AKIRIN1: variants seen among roughly 807,000 people sequenced by gnomAD.
AKIRIN1 encodes akirin 1.
A neutral mutation model predicts 25.9 loss-of-function variants in AKIRIN1; 4 were observed. The observed-to-expected ratio is 0.15, with a 90% CI of 0.08 to 0.35. AKIRIN1 has a LOEUF of 0.35. Ranked by LOEUF, AKIRIN1 falls within the 10% of genes least tolerant of loss-of-function variation. The probability of loss-of-function intolerance (pLI) is 1.00; values close to 1 mark genes in which losing one functional copy is unlikely to be tolerated. For missense variants in AKIRIN1, 243 were observed against 266.1 expected (o/e 0.91, Z 0.61); for synonymous variants, 125 against 105.1 (o/e 1.19, Z -1.16).
In AKIRIN1 at chr1:38,991,286, C is replaced by T. The variant is rs1483600392; in HGVS notation, c.-95C>T. On this transcript the variant is annotated 5_prime_UTR_variant, in exon 1 of 5. Coordinates refer to ENST00000432648, the MANE Select transcript of AKIRIN1 (RefSeq NM_024595.3). ...GCGCCGCTGCCGGGTGCTGGAGGCGCCATTGGAGCCGGCTTGGCTGGCGAG... is the reference window on the plus strand; with the variant it reads ...GCGCCGCTGCCGGGTGCTGGAGGCGTCATTGGAGCCGGCTTGGCTGGCGAG... 1 of 1,116,110 alleles carries T rather than the reference C, an allele frequency of 9.0e-7. No homozygotes were observed. The highest frequency in any genetic ancestry group is 1.2e-6 in the Non-Finnish European group (1 of 858,436). The allele number at this position is 1,116,110 out of a possible 1,614,324, so 69.1% of individuals were successfully genotyped here.
intron 1 of AKIRIN1, among the ~76,000 whole-genome samples, chr1:38,993,842 G>C (rs567473051): frequency 6.6e-6 from 1 of 151,878 alleles, no homozygotes; most frequent in Admixed American, 6.6e-5. Context: ...AGGCGGAGGC[G>C]GGCGGATCAC....
At chr1:38,997,348 TC>T (rs1183035923) in intron 1 of AKIRIN1, among the ~76,000 whole-genome samples, 3 of 152,194 alleles carry the variant, frequency 2.0e-5, no homozygotes, top group Non-Finnish European at 4.4e-5. Context: ...ACTTATAATC[TC>T]CCCACACACT....
rs746433928 is a variant in AKIRIN1 at position 39,004,048 on chromosome 1, T to C, written c.572T>C (p.Val191Ala). Reference sequence around the variant, plus strand: ...GTTTTTTATTCTTAATTTACAGATGTGTCATGAAGCTTTGTCACATATCTG... The same window carrying C: ...GTTTTTTATTCTTAATTTACAGATGCGTCATGAAGCTTTGTCACATATCTG... Reference protein sequence around the residue: ...RRYGTRPTSYVS With the variant: ...RRYGTRPTSYAS Residue 191 changes from valine (V) to alanine (A), a missense_variant, in exon 5 of 5, where the codon GTG (valine) becomes GCG (alanine). Physicochemically the swap from Val to Ala is moderately conservative, Grantham distance 64. Around this residue, in one of 3 missense-constraint regions of AKIRIN1, gnomAD observed 25 missense variants for 45.3 expected, o/e 0.55. Transcript: ENST00000432648. The C allele has an allele frequency of 1.2e-6, 2 of 1,611,008 alleles. No homozygotes were observed. Among genetic ancestry groups the C allele is most frequent in the South Asian group, 2.2e-5 (2 of 90,954 alleles).
chr1:39,005,975 A>G lies in AKIRIN1; in HGVS notation c.*1920A>G, dbSNP rs1393162510. 2 of 152,078 alleles carry G rather than the reference A, an allele frequency of 1.3e-5. No individual in the cohort carries two copies. The highest frequency in any genetic ancestry group is 4.8e-5 in the African/African-American group (2 of 41,382). The allele number at this position is 152,078 out of a possible 1,614,324, so 9.4% of individuals were successfully genotyped here. ...GCTATAACCATTTCCCCAGTTCAAC[A>G]TTGCATTGAAAATTTATGGACCTTT... On this transcript the variant is annotated 3_prime_UTR_variant, in exon 5 of 5. Coordinates refer to ENST00000432648, the MANE Select transcript of AKIRIN1 (RefSeq NM_024595.3).
rs1553163951 is a variant in AKIRIN1, at chr1:38,998,194, C to T, written c.244C>T (p.Gln82Ter). Residue 82 changes from glutamine to a stop codon, truncating the protein, a stop_gained, in exon 2 of 5, where the codon CAA becomes TAA. Transcript: ENST00000432648. LOFTEE classifies it high-confidence loss of function. ...TPEQIFQNIK[Q>*]EYSRYQRWRH... is the part of the protein sequence containing the mutation. ...AGAGCAAATTTTTCAGAACATAAAA[C>T]AAGAATATAGTCGTTATCAGAGGTG... 3.7e-6 allele frequency: 6 copies of T among 1,609,818 alleles called. No homozygotes were observed. The highest frequency in any genetic ancestry group is 5.1e-6 in the Non-Finnish European group (6 of 1,178,340).
At chr1:38,998,951 G>C (rs1329811844) in intron 2 of AKIRIN1, among the ~76,000 whole-genome samples, 1 of 152,070 alleles carries the variant, frequency 6.6e-6, no homozygotes, top group African/African-American at 2.4e-5. Flanking sequence ...AGCCACATAT[G>C]GCTGTTGTAT....
At chr1:38,992,424 A>AG (rs1643913359) in intron 1 of AKIRIN1, among the ~76,000 whole-genome samples, 2 of 152,244 alleles carry the variant, frequency 1.3e-5, no homozygotes, top group South Asian at 4.1e-4. Flanking sequence ...TCCGGAAATG[A>AG]GGGGGGCGTC....
intron 3 of AKIRIN1, among the ~76,000 whole-genome samples, chr1:39,001,406 G>A (rs1643990932): frequency 6.6e-6 from 1 of 151,312 alleles, no homozygotes; most frequent in South Asian, 2.1e-4. Context: ...TGGGATTACA[G>A]GCATGCGCCA....
chr1:38,993,245 G>A (rs1483450507), intron 1 of AKIRIN1, among the ~76,000 whole-genome samples: 1 of 152,164 alleles, frequency 6.6e-6, no homozygotes, highest in Admixed American at 6.5e-5. Flanking sequence ...CATTACAGTA[G>A]CTGCTTCGTA....
rs1376140340 is a variant in AKIRIN1, at chr1:38,991,474, C to T, written c.94C>T (p.Pro32Ser). 2 of 1,423,298 alleles carry T rather than the reference C, an allele frequency of 1.4e-6. No homozygotes were observed. Among genetic ancestry groups the T allele is most frequent in the African/African-American group, 1.5e-5 (1 of 66,978 alleles). 88.2% of individuals were successfully genotyped at this position (1,423,298 alleles called of 1,614,324 possible). ...SPKRRRCAPL[P>S]GPTPGLRPPD... ...GAAGCGGCGGCGCTGCGCCCCTCTG[C>T]CCGGCCCCACTCCGGGCCTCAGGCC... Residue 32 changes from proline to serine, a missense_variant, in exon 1 of 5, where the codon CCC (proline) becomes TCC (serine). Pro to Ser is a moderately conservative substitution (Grantham distance 74, BLOSUM62 -1). Transcript: ENST00000432648.
intron 3 of AKIRIN1, among the ~76,000 whole-genome samples, chr1:39,002,658 A>C (rs1570977278): frequency 6.6e-6 from 1 of 151,990 alleles, no homozygotes; most frequent in East Asian, 1.9e-4. Flanking sequence ...TGAATCGGGG[A>C]GGCAGAGGTT....
At chr1:39,003,937 T>G (rs1467364882) in intron 4 of AKIRIN1, 108 bp from the exon 5 acceptor site, 46 of 915,676 alleles carry the variant, frequency 5.0e-5, no homozygotes, top group Non-Finnish European at 7.8e-5. Context: ...AAGTGGTGAG[T>G]CATCGTTCAT....
chr1:38,999,862 T>G (rs1346221696), intron 2 of AKIRIN1, among the ~76,000 whole-genome samples: 1 of 151,266 alleles, frequency 6.6e-6, no homozygotes, highest in Non-Finnish European at 1.5e-5. Flanking sequence ...TTTGTTTTGT[T>G]TTTTTGTTTT....
In AKIRIN1 at chr1:39,004,081, G is replaced by C. The variant is rs376888630; in HGVS notation, c.*26G>C. On this transcript the variant is annotated 3_prime_UTR_variant, in exon 5 of 5. Coordinates refer to ENST00000432648, the MANE Select transcript of AKIRIN1 (RefSeq NM_024595.3). ...AGCTTTGTCACATATCTGGGTACCAGGTTTGACCTCAAGAGATGGCTGCTG... is the reference window on the plus strand; with the variant it reads ...AGCTTTGTCACATATCTGGGTACCACGTTTGACCTCAAGAGATGGCTGCTG... The C allele has an allele frequency of 3.1e-6, 5 of 1,609,514 alleles. No homozygotes were observed. The highest frequency in any genetic ancestry group is 4.3e-6 in the Non-Finnish European group (5 of 1,175,922).
chr1:39,002,550 G>A lies in AKIRIN1; in HGVS notation c.497-797G>A, dbSNP rs139589880. Reference sequence around the variant, plus strand: ...TCGAGACCATGCTGGCTAACACGGTGAAACCCCGTCTCTACTAAAAATACA... The same window carrying A: ...TCGAGACCATGCTGGCTAACACGGTAAAACCCCGTCTCTACTAAAAATACA... On this transcript the variant is annotated intron_variant, in intron 3 of 4. Coordinates refer to ENST00000432648, the MANE Select transcript of AKIRIN1 (RefSeq NM_024595.3). 5.3e-5 allele frequency among the ~76,000 whole-genome samples: 8 copies of A among 152,266 alleles called. No homozygotes were observed. The East Asian group carries it at 1.5e-3, about 29-fold the overall frequency.
chr1:38,995,082 C>G (rs372908057), intron 1 of AKIRIN1, among the ~76,000 whole-genome samples: 1 of 152,082 alleles, frequency 6.6e-6, no homozygotes, highest in Admixed American at 6.6e-5. Context: ...CTGCCCGCCT[C>G]GGCCTCCCAA....
chr1:39,001,254 A>G, intron 3 of AKIRIN1, 148 bp downstream of exon 3: 2 of 925,800 alleles, frequency 2.2e-6, no homozygotes, highest in Middle Eastern at 4.7e-4. Context: ...GTGATTGTAA[A>G]CACATCATTT....
chr1:39,003,591 G>A (rs1029881901), intron 4 of AKIRIN1, among the ~76,000 whole-genome samples, 173 bp downstream of exon 4: 5 of 152,140 alleles, frequency 3.3e-5, no homozygotes, highest in African/African-American at 9.7e-5. Context: ...GACCCTATGA[G>A]GGAGTACTAT....
chr1:38,999,120 A>G (rs943564285), intron 2 of AKIRIN1, among the ~76,000 whole-genome samples: 3 of 152,218 alleles, frequency 2.0e-5, no homozygotes, highest in Non-Finnish European at 4.4e-5. Flanking sequence ...TTTGCCTGCC[A>G]TATTGCCTCC....
Sources: allele counts gnomAD v4.1 joint callset (sites outside exome capture counted in the v4.1 genomes callset), GRCh38; gene constraint gnomAD v4.1.1; regional missense constraint gnomAD v4.1.1; transcripts MANE v1.5; gene names NCBI Gene and HGNC (gene_info 2026-07-23, HGNC 2026-07-21).